Variants in NRG1 observed in about 807,000 individuals in gnomAD.
NRG1 encodes neuregulin 1.
A neutral mutation model predicts 63.8 loss-of-function variants in NRG1; 18 were observed. That is an observed-to-expected ratio of 0.28 (90% confidence interval 0.19 to 0.42). The LOEUF (loss-of-function observed/expected upper bound fraction) is 0.42, where lower values mean the gene tolerates loss of function less well. Ranked by LOEUF, NRG1 falls within the 10% of genes least tolerant of loss-of-function variation. The pLI is 1.00. For missense variants in NRG1, 762 were observed against 814.7 expected (o/e 0.94, Z 0.79); for synonymous variants, 302 against 301.3 (o/e 1.00, Z -0.02).
chr8:32,575,608 GATA>G (rs1193002584), intron 1 of NRG1, among the ~76,000 whole-genome samples: 2 of 152,148 alleles, frequency 1.3e-5, no homozygotes, highest in East Asian at 1.9e-4. Flanking sequence ...CTACACTGGA[GATA>G]ATAATATCCC....
intron 1 of NRG1, among the ~76,000 whole-genome samples, chr8:31,938,712 A>G (rs1801310168): frequency 6.6e-6 from 1 of 152,186 alleles, no homozygotes; most frequent in African/African-American, 2.4e-5. Context: ...AGCATAAATA[A>G]AAAACAATTG....
intron 1 of NRG1, among the ~76,000 whole-genome samples, chr8:31,928,259 C>T (rs1006413327): frequency 2.9e-5 from 4 of 138,014 alleles, no homozygotes; most frequent in African/African-American, 5.6e-5. Context: ...GAGGGAAATG[C>T]AAATTAAAAT....
At chr8:32,108,492 C>T (rs1327217463) in intron 1 of NRG1, among the ~76,000 whole-genome samples, 1 of 152,252 alleles carries the variant, frequency 6.6e-6, no homozygotes, top group South Asian at 2.1e-4. Context: ...AGGGAGCAGC[C>T]CTCATGGCCT....
intron 1 of NRG1, among the ~76,000 whole-genome samples, chr8:32,400,776 C>T (rs185935181): frequency 6.6e-6 from 1 of 152,330 alleles, no homozygotes; most frequent in East Asian, 1.9e-4. Flanking sequence ...ATCCAGCAAT[C>T]CCATTACTGG....
At chr8:31,662,995 A>G (rs746069555) in intron 1 of NRG1, among the ~76,000 whole-genome samples, 1 of 152,032 alleles carries the variant, frequency 6.6e-6, no homozygotes, top group Non-Finnish European at 1.5e-5. Flanking sequence ...GGCTTGTATT[A>G]CCAGGGATGA....
In NRG1 at chr8:32,692,398, G is replaced by A. The variant is rs527592684; in HGVS notation, c.503-35551G>A. Among the ~76,000 whole-genome samples the A allele has an allele frequency of 3.5e-4, 53 of 152,278 alleles. No homozygotes were observed. The South Asian group carries it at 0.011, about 31-fold the overall frequency. On this transcript the variant is annotated intron_variant, in intron 5 of 11. Coordinates refer to ENST00000356819, the Ensembl canonical transcript of NRG1. ...TGTAGGGTCTTTGCCTGGCATTGCT[G>A]TGACAAACACAATCTAACTGTTTTG... is the stretch of plus-strand genomic sequence containing the variant.
intron 1 of NRG1, among the ~76,000 whole-genome samples, chr8:32,347,408 A>G (rs542382965): frequency 8.0e-4 from 122 of 152,260 alleles, no homozygotes; most frequent in African/African-American, 2.8e-3. Context: ...AGGGTGTTCA[A>G]TATGCTTCCC....
intron 1 of NRG1, among the ~76,000 whole-genome samples, chr8:31,824,603 A>G (rs563882458): frequency 6.6e-6 from 1 of 152,340 alleles, no homozygotes; most frequent in South Asian, 2.1e-4. Flanking sequence ...AAATGGCTTT[A>G]CATATCTTGT....
chr8:32,358,645 T>C (rs1214232950), intron 1 of NRG1, among the ~76,000 whole-genome samples: 1 of 152,166 alleles, frequency 6.6e-6, no homozygotes, highest in African/African-American at 2.4e-5. Flanking sequence ...AGATTCTCCA[T>C]TTTGCAGAGA....
intron 1 of NRG1, among the ~76,000 whole-genome samples, chr8:32,366,675 GTGTATA>G (rs1213450183): frequency 0.022 from 1,171 of 54,262 alleles, 17 homozygotes; most frequent in African/African-American, 0.081. Context: ...GTGTGTGTGT[GTGTATA>G]TATATATATA....
At chr8:31,804,974 C>T (rs1360138385) in intron 1 of NRG1, among the ~76,000 whole-genome samples, 7 of 152,198 alleles carry the variant, frequency 4.6e-5, no homozygotes, top group African/African-American at 1.7e-4. Flanking sequence ...ACTGCTGAGA[C>T]ACACCGAAGA....
intron 1 of NRG1, among the ~76,000 whole-genome samples, chr8:31,826,096 C>T (rs921783383): frequency 5.9e-5 from 9 of 152,142 alleles, no homozygotes; most frequent in East Asian, 1.9e-4. Flanking sequence ...GAGTCATGCA[C>T]GTTGCCAGCT....
rs576512974 is a variant in NRG1 at position 32,191,912 on chromosome 8, T to A, written c.38-403916T>A. The A allele has an allele frequency of 5.3e-5, 8 of 152,380 alleles. No homozygotes were observed. The East Asian group carries it at 1.5e-3, about 30-fold the overall frequency. 9.4% of individuals were successfully genotyped at this position (152,380 alleles called of 1,614,324 possible). A position where few individuals can be genotyped will look rare whatever the true frequency, so the allele number is the denominator to read the frequency against. The stretch of plus-strand genomic sequence containing the variant: ...CCTCAGAGTACAACACAATCAGATC[T>A]TCCACCATCAGAGTCATTGATAGCC... On this transcript the variant is annotated intron_variant, in intron 1 of 10. Coordinates refer to the NRG1 transcript ENST00000519301.
chr8:32,608,085 TTTTTTTG>T, intron 3 of NRG1, among the ~76,000 whole-genome samples: 1 of 124,218 alleles, frequency 8.1e-6, no homozygotes, highest in African/African-American at 3.8e-5. Flanking sequence ...GAACCCAGGT[TTTTTTTG>T]TTTTTTTTTT....
At chr8:32,249,892 A>G (rs1423531329) in intron 1 of NRG1, among the ~76,000 whole-genome samples, 1 of 152,116 alleles carries the variant, frequency 6.6e-6, no homozygotes, top group African/African-American at 2.4e-5. Flanking sequence ...AATATCTTGA[A>G]GAAAAGGAAG....
chr8:32,503,954 T>C (rs561064971), intron 1 of NRG1, among the ~76,000 whole-genome samples: 7 of 152,314 alleles, frequency 4.6e-5, no homozygotes, highest in South Asian at 2.1e-4. Context: ...GCTGTCCACA[T>C]GCTCAGTGGC....
At chr8:32,660,086 G>A (rs766158092) in intron 5 of NRG1, among the ~76,000 whole-genome samples, 3 of 152,196 alleles carry the variant, frequency 2.0e-5, no homozygotes, top group Non-Finnish European at 2.9e-5. Flanking sequence ...GTACCAAACA[G>A]TGTACAGGTT....
At chr8:31,700,491 C>T (rs1296496026) in intron 1 of NRG1, among the ~76,000 whole-genome samples, 1 of 152,158 alleles carries the variant, frequency 6.6e-6, no homozygotes, top group Non-Finnish European at 1.5e-5. Flanking sequence ...TGCTGAACAG[C>T]TGTTTGTTTG....
At position 32,474,320 on chromosome 8, in the gene NRG1, G is replaced by A. The variant is rs6982969; in HGVS notation, c.38-121508G>A. Among the ~76,000 whole-genome samples the A allele has an allele frequency of 5.2e-3, 794 of 152,222 alleles. 6 individuals are homozygous for A. The highest frequency in any genetic ancestry group is 0.018 in the African/African-American group (745 of 41,546). On this transcript the variant is annotated intron_variant, in intron 1 of 10. Transcript: ENST00000519301. ...TGACTATGGTAAGAAGAGTTTTTCTGGGAGTTGGGAAACTGATTCCATTAG... is the reference window on the plus strand; with the variant it reads ...TGACTATGGTAAGAAGAGTTTTTCTAGGAGTTGGGAAACTGATTCCATTAG...
Sources: gnomAD v4.1 joint callset for allele counts (sites outside exome capture counted in the v4.1 genomes callset) on GRCh38, gnomAD v4.1.1 for gene constraint, MANE v1.5 for transcripts, NCBI Gene and HGNC (gene_info 2026-07-23, HGNC 2026-07-21) for gene names.